The following ZNG1C variants were observed in gnomAD, a reference collection of about 807,000 sequenced individuals.
ZNG1C encodes the protein zinc-regulated GTPase metalloprotein activator 1C.
At chr9:68,265,052 AT>A in the ZNG1C span, among the ~76,000 whole-genome samples, 1 of 95,738 alleles carries the variant, frequency 1.0e-5, no homozygotes, top group Non-Finnish European at 2.3e-5. Flanking sequence ...TATTTATTTT[AT>A]TTTATTTTAT....
the ZNG1C span, chr9:68,299,267 TTTG>T: frequency 2.7e-6 from 4 of 1,490,188 alleles, no homozygotes; most frequent in Non-Finnish European, 3.6e-6. Flanking sequence ...TGTTAGGACT[TTTG>T]TTCTTCTTCA....
the ZNG1C span, among the ~76,000 whole-genome samples, chr9:68,287,357 G>A: frequency 2.6e-4 from 38 of 148,372 alleles, no homozygotes; most frequent in African/African-American, 8.4e-4. Context: ...TCAGTCTCCA[G>A]GATTGGGACT....
the ZNG1C span, among the ~76,000 whole-genome samples, chr9:68,271,238 AAGTGGACTG>A: frequency 3.8e-5 from 3 of 79,702 alleles, no homozygotes; most frequent in Admixed American, 2.8e-4. Flanking sequence ...TTAGAAATGT[AAGTGGACTG>A]AACAGAGGAA....
At chr9:68,255,723 G>T in the ZNG1C span, among the ~76,000 whole-genome samples, 2 of 150,158 alleles carry the variant, frequency 1.3e-5, no homozygotes, top group African/African-American at 4.9e-5. Context: ...ATGACTTATT[G>T]TTTGGAGTAG....
chr9:68,279,677 G>C, the ZNG1C span, among the ~76,000 whole-genome samples: 1 of 70,460 alleles, frequency 1.4e-5, no homozygotes. Flanking sequence ...CAAGAGATCC[G>C]CTGTTAGTCT....
the ZNG1C span, among the ~76,000 whole-genome samples, chr9:68,264,821 TTATATATATATA>T: frequency 8.4e-4 from 21 of 24,924 alleles, no homozygotes; most frequent in African/African-American, 3.1e-3. Context: ...GGATTGAAGA[TTATATATATATA>T]TATATATATA....
the ZNG1C span, among the ~76,000 whole-genome samples, chr9:68,276,124 G>A: frequency 6.0e-5 from 9 of 149,066 alleles, no homozygotes; most frequent in African/African-American, 2.2e-4. Flanking sequence ...GTCTGTTCAT[G>A]TCCTTCGCCC....
At chr9:68,291,576 T>C in the ZNG1C span, among the ~76,000 whole-genome samples, 4 of 94,892 alleles carry the variant, frequency 4.2e-5, no homozygotes, top group Non-Finnish European at 9.1e-5. Flanking sequence ...ACATTTATTT[T>C]ATCCATTCAA....
chr9:68,281,180 T>C, the ZNG1C span, among the ~76,000 whole-genome samples: 1 of 151,964 alleles, frequency 6.6e-6, no homozygotes, highest in Non-Finnish European at 1.5e-5. Context: ...AGACAATGCC[T>C]CGCCCTGCTT....
the ZNG1C span, among the ~76,000 whole-genome samples, chr9:68,255,918 C>T: frequency 6.6e-6 from 1 of 151,548 alleles, no homozygotes; most frequent in African/African-American, 2.4e-5. Flanking sequence ...GATTCAGCCC[C>T]TGTTACTCAC....
chr9:68,257,205 T>G, the ZNG1C span, among the ~76,000 whole-genome samples: 2 of 137,196 alleles, frequency 1.5e-5, no homozygotes, highest in East Asian at 2.0e-4. Flanking sequence ...ACCTGGCTAA[T>G]TTTTGGATTT....
chr9:68,287,570 A>G, the ZNG1C span, among the ~76,000 whole-genome samples: 1 of 152,304 alleles, frequency 6.6e-6, no homozygotes, highest in Non-Finnish European at 1.5e-5. Context: ...ATGTATTTTA[A>G]TAGGAAATTT....
At chr9:68,284,696 A>AT in the ZNG1C span, among the ~76,000 whole-genome samples, 3 of 137,076 alleles carry the variant, frequency 2.2e-5, no homozygotes, top group African/African-American at 8.4e-5. Flanking sequence ...CAGAATTTAC[A>AT]TTTTATGTGT....
the ZNG1C span, among the ~76,000 whole-genome samples, chr9:68,261,458 CTA>C: frequency 2.9e-5 from 4 of 139,904 alleles, no homozygotes; most frequent in African/African-American, 5.6e-5. Flanking sequence ...CAAGTAAAAA[CTA>C]TATATATTTA....
At chr9:68,280,137 A>G in the ZNG1C span, among the ~76,000 whole-genome samples, 25 of 132,838 alleles carry the variant, frequency 1.9e-4, 1 homozygote, top group East Asian at 2.0e-3. Flanking sequence ...CGTAGTTCTC[A>G]AGCCTTGGTT....
chr9:68,247,291 C>T, the ZNG1C span, among the ~76,000 whole-genome samples: 4 of 151,138 alleles, frequency 2.6e-5, no homozygotes, highest in Non-Finnish European at 5.9e-5. Flanking sequence ...ACATACTAGT[C>T]GATTTAGAAA....
chr9:68,290,939 C>T, the ZNG1C span, among the ~76,000 whole-genome samples: 8 of 151,554 alleles, frequency 5.3e-5, no homozygotes, highest in Admixed American at 3.9e-4. Context: ...CATAAGATTA[C>T]GATGGAGCTG....
the ZNG1C span, chr9:68,273,669 G>GA: frequency 2.7e-4 from 12 of 44,760 alleles, no homozygotes; most frequent in Non-Finnish European, 4.8e-4. Flanking sequence ...GTGCATTAAA[G>GA]AAAAAAAAAT....
chr9:68,269,861 A>C, the ZNG1C span: 1 of 43,560 alleles, frequency 2.3e-5, no homozygotes, highest in Non-Finnish European at 2.6e-5. Flanking sequence ...GGAGCCACTC[A>C]TCTGCTGGCA....
Sources: gnomAD v4.1 joint callset for allele counts (sites outside exome capture counted in the v4.1 genomes callset) on GRCh38, gnomAD v4.1.1 for gene constraint, MANE v1.5 for transcripts, NCBI Gene and HGNC (gene_info 2026-07-23, HGNC 2026-07-21) for gene names.